AFF3: variants seen among roughly 807,000 people sequenced by gnomAD.
AFF3 encodes AF4/FMR2 family member 3.
In AFF3, 32 loss-of-function variants were observed where a neutral mutation model predicts 129.7. That is an observed-to-expected ratio of 0.25 (90% CI 0.19 to 0.33). The LOEUF is 0.33. Among genes scored for constraint, AFF3 ranks in the 10% least tolerant of loss-of-function variants. The pLI is 1.00. For missense variants in AFF3, 1,373 were observed against 1,592.0 expected, an observed-to-expected ratio of 0.86 and a Z score of 2.34; for synonymous variants, 644 against 635.4, an observed-to-expected ratio of 1.01 and a Z score of -0.20.
chr2:100,122,283 A>G (rs377338432), intron 2 of AFF3, among the ~76,000 whole-genome samples: 1 of 152,212 alleles, frequency 6.6e-6, no homozygotes, highest in South Asian at 2.1e-4. Flanking sequence ...GTCATTTAGC[A>G]CAATGGGATA....
At chr2:99,699,613 G>C (rs1413766489) in intron 11 of AFF3, among the ~76,000 whole-genome samples, 1 of 113,180 alleles carries the variant, frequency 8.8e-6, no homozygotes, top group Non-Finnish European at 1.9e-5. Flanking sequence ...GCCCACAGAG[G>C]TGGGCAGTGG....
chr2:100,064,138 A>G (rs1474563591), intron 4 of AFF3, among the ~76,000 whole-genome samples: 1 of 151,874 alleles, frequency 6.6e-6, no homozygotes, highest in Non-Finnish European at 1.5e-5. Flanking sequence ...AAGAAATTCA[A>G]TCTAGGTGAT....
chr2:99,948,102 G>A (rs1338925825), intron 7 of AFF3, among the ~76,000 whole-genome samples: 1 of 152,174 alleles, frequency 6.6e-6, no homozygotes, highest in African/African-American at 2.4e-5. Context: ...TAACTTAGGG[G>A]AGCCTCCTTC....
chr2:100,022,580 T>A (rs1161207989), intron 4 of AFF3, among the ~76,000 whole-genome samples: 7 of 152,030 alleles, frequency 4.6e-5, no homozygotes, highest in African/African-American at 1.7e-4. Context: ...CTGGCCAATT[T>A]TTTTTATTTT....
chr2:100,134,757 C>T (rs1692562897), intron 1 of AFF3, among the ~76,000 whole-genome samples: 1 of 152,140 alleles, frequency 6.6e-6, no homozygotes, highest in South Asian at 2.1e-4. Context: ...AAAAGTTATC[C>T]AATCGTTCAT....
intron 4 of AFF3, among the ~76,000 whole-genome samples, chr2:100,040,928 C>G (rs1353776423): frequency 6.6e-6 from 1 of 152,208 alleles, no homozygotes; most frequent in African/African-American, 2.4e-5. Flanking sequence ...ACAGTCAAGC[C>G]ATCATCAGGT....
intron 11 of AFF3, among the ~76,000 whole-genome samples, chr2:99,700,921 G>A (rs766403585): frequency 1.1e-4 from 17 of 152,342 alleles, no homozygotes; most frequent in Admixed American, 2.6e-4. Context: ...CGGAGTGAGC[G>A]TGAGACGGTC....
intron 7 of AFF3, among the ~76,000 whole-genome samples, chr2:99,896,861 TC>T (rs1694007702): frequency 6.6e-6 from 1 of 151,888 alleles, no homozygotes; most frequent in South Asian, 2.1e-4. Flanking sequence ...GGTCTCGATC[TC>T]CTGACCTCGT....
intron 7 of AFF3, among the ~76,000 whole-genome samples, chr2:99,906,910 G>A (rs1444133287): frequency 6.6e-6 from 1 of 151,542 alleles, no homozygotes; most frequent in Admixed American, 6.6e-5. Flanking sequence ...TACTGTTTCT[G>A]TTTCTCTGTT....
intron 11 of AFF3, among the ~76,000 whole-genome samples, chr2:99,682,505 C>T (rs540770660): frequency 2.6e-5 from 4 of 152,300 alleles, no homozygotes; most frequent in Admixed American, 6.5e-5. Flanking sequence ...CACAAGGCAG[C>T]GCTGGGGAAT....
chr2:99,598,792 G>A (rs904028314), intron 14 of AFF3, among the ~76,000 whole-genome samples: 9 of 152,326 alleles, frequency 5.9e-5, no homozygotes, highest in African/African-American at 1.9e-4. Context: ...GGCCAGCTCC[G>A]CCAGACCAGG....
chr2:99,744,757 A>G (rs752452607), intron 9 of AFF3, among the ~76,000 whole-genome samples: 2 of 152,188 alleles, frequency 1.3e-5, no homozygotes, highest in Non-Finnish European at 2.9e-5. Flanking sequence ...TCACATGGAT[A>G]TACAACAATG....
At position 99,632,100 on chromosome 2, in the gene AFF3, C is replaced by T. The variant is rs566209271; in HGVS notation, c.1184+17526G>A. 1.6e-4 allele frequency among the ~76,000 whole-genome samples: 23 copies of T among 147,958 alleles called. No individual in the cohort carries two copies. The South Asian group carries it at 4.6e-3, about 29-fold the overall frequency. On this transcript the variant is annotated intron_variant, in intron 13 of 24. Coordinates refer to ENST00000672756, the MANE Select transcript of AFF3 (RefSeq NM_001386135.1). ...GCGTGATCTCAGCTCACTGCAGCCTCCACCTCCCGGGTTCAAGCAATTCTC... is the reference window on the plus strand; with the variant it reads ...GCGTGATCTCAGCTCACTGCAGCCTTCACCTCCCGGGTTCAAGCAATTCTC...
intron 11 of AFF3, among the ~76,000 whole-genome samples, chr2:99,726,363 T>A (rs1679362646): frequency 1.3e-5 from 2 of 152,164 alleles, no homozygotes; most frequent in African/African-American, 2.4e-5. Flanking sequence ...AGAAAACACA[T>A]GCCACTGCTC....
intron 7 of AFF3, among the ~76,000 whole-genome samples, chr2:99,976,957 A>G (rs902593634): frequency 6.6e-5 from 10 of 152,314 alleles, no homozygotes; most frequent in African/African-American, 2.4e-4. Flanking sequence ...AAATACATGA[A>G]GGGTACTCAG....
At chr2:99,902,054 A>G (rs1694380923) in intron 7 of AFF3, among the ~76,000 whole-genome samples, 1 of 151,510 alleles carries the variant, frequency 6.6e-6, no homozygotes, top group Non-Finnish European at 1.5e-5. Context: ...ACTTAGAGGC[A>G]GAGGTCCCTC....
chr2:99,844,804 G>A (rs551971180), intron 7 of AFF3, among the ~76,000 whole-genome samples: 4 of 152,082 alleles, frequency 2.6e-5, no homozygotes, highest in Non-Finnish European at 5.9e-5. Context: ...ATGAGAAAAT[G>A]TTCATGGGTA....
intron 8 of AFF3, among the ~76,000 whole-genome samples, chr2:99,784,170 C>T (rs1684612763): frequency 6.6e-6 from 1 of 152,184 alleles, no homozygotes; most frequent in Admixed American, 6.5e-5. Flanking sequence ...AATCTGGATA[C>T]AGCATCTGTC....
intron 13 of AFF3, among the ~76,000 whole-genome samples, chr2:99,605,295 T>C (rs1680219181): frequency 6.6e-6 from 1 of 152,210 alleles, no homozygotes; most frequent in African/African-American, 2.4e-5. Context: ...CATACTTTAC[T>C]TGTAAGGGTT....
Sources: allele counts gnomAD v4.1 joint callset (sites outside exome capture counted in the v4.1 genomes callset), GRCh38; gene constraint gnomAD v4.1.1; transcripts MANE v1.5; gene names NCBI Gene and HGNC (gene_info 2026-07-23, HGNC 2026-07-21).